Variants in RPH3AL observed in about 807,000 individuals in gnomAD.
RPH3AL encodes rabphilin 3A like (without C2 domains).
A neutral mutation model predicts 43.1 loss-of-function variants in RPH3AL; 38 were observed. The observed-to-expected ratio is 0.88, with a 90% CI of 0.68 to 1.15. The LOEUF is 1.15. RPH3AL is among the 50% of genes most tolerant of loss of function. The pLI is 0.00. For synonymous variants in RPH3AL, 189 were observed against 176.3 expected (o/e 1.07, Z -0.57); for missense variants, 462 against 423.2 (o/e 1.09, Z -0.81).
At position 345,665 on chromosome 17, in the gene RPH3AL, GC is replaced by G. The variant is rs1261506716; in HGVS notation, c.-213+7046del. On this transcript the variant is annotated intron_variant, in intron 1 of 9. Transcript: ENST00000331302. ...ACGCACACCCTGCTGGGGCACGCGT[GC>G]TCCCCATCTGCGCGCACACCCTGCT... 1.2e-4 allele frequency among the ~76,000 whole-genome samples: 9 copies of G among 75,498 alleles called. 3 individuals are homozygous for G. The East Asian group carries it at 9.0e-3, about 75-fold the overall frequency. 49.5% of individuals were successfully genotyped at this position (75,498 alleles called of 152,430 possible).
At chr17:317,439 A>C (rs1255966427) in intron 5 of RPH3AL, among the ~76,000 whole-genome samples, 4 of 137,660 alleles carry the variant, frequency 2.9e-5, no homozygotes, top group Non-Finnish European at 1.5e-5. Context: ...ATTGACCTGT[A>C]GTCCATGTGC....
At chr17:350,809 G>A (rs1024455000) in intron 1 of RPH3AL, among the ~76,000 whole-genome samples, 1 of 152,140 alleles carries the variant, frequency 6.6e-6, no homozygotes, top group African/African-American at 2.4e-5. Flanking sequence ...TCTTGGCCTG[G>A]GCTGTCAGCC....
chr17:222,504 A>C (rs73971659), intron 7 of RPH3AL, among the ~76,000 whole-genome samples: 2,378 of 152,346 alleles, frequency 0.016, 64 homozygotes, highest in African/African-American at 0.053. Flanking sequence ...GTGAACATGC[A>C]CTGTGGGAGA....
chr17:266,220 G>GTT (rs1174578152), intron 6 of RPH3AL, among the ~76,000 whole-genome samples: 2 of 152,086 alleles, frequency 1.3e-5, no homozygotes, highest in Non-Finnish European at 2.9e-5. Flanking sequence ...GTGTGTGTGT[G>GTT]TGTGTGTGTG....
chr17:234,804 C>G (rs911503871), intron 7 of RPH3AL, among the ~76,000 whole-genome samples: 1 of 152,150 alleles, frequency 6.6e-6, no homozygotes, highest in Non-Finnish European at 1.5e-5. Context: ...GGGGAGTGGG[C>G]TGGGGGTGAG....
intron 7 of RPH3AL, among the ~76,000 whole-genome samples, chr17:231,815 G>A (rs1016999057): frequency 3.9e-5 from 6 of 152,260 alleles, no homozygotes; most frequent in African/African-American, 1.4e-4. Context: ...TTGTCATTGG[G>A]TCTCGGGCAA....
At chr17:326,542 G>A (rs1263998746) in intron 3 of RPH3AL, among the ~76,000 whole-genome samples, 1 of 152,104 alleles carries the variant, frequency 6.6e-6, no homozygotes, top group Non-Finnish European at 1.5e-5. Context: ...CGGTGGAGAT[G>A]GCCTGACCTA....
intron 6 of RPH3AL, among the ~76,000 whole-genome samples, chr17:270,705 A>AT (rs2042441535): frequency 6.6e-6 from 1 of 150,624 alleles, no homozygotes; most frequent in African/African-American, 2.5e-5. Context: ...AAAAAAAAAA[A>AT]TTTCTCCCAT....
intron 6 of RPH3AL, among the ~76,000 whole-genome samples, chr17:269,262 T>G (rs2151584899): frequency 6.6e-6 from 1 of 152,136 alleles, no homozygotes; most frequent in East Asian, 1.9e-4. Flanking sequence ...TCCTCTTGCC[T>G]CAGCCTCCCA....
At chr17:239,485 C>T (rs544648404) in intron 7 of RPH3AL, among the ~76,000 whole-genome samples, 7 of 152,274 alleles carry the variant, frequency 4.6e-5, no homozygotes, top group South Asian at 2.1e-4. Context: ...CTATTCCACT[C>T]GTCTGTTTAT....
chr17:300,245 G>A (rs28649123), intron 5 of RPH3AL, among the ~76,000 whole-genome samples: 16 of 92,348 alleles, frequency 1.7e-4, no homozygotes, highest in East Asian at 1.3e-3. Context: ...CCCAGCCTAG[G>A]CCTGCAGAAT....
chr17:244,452 A>G (rs71372191), intron 7 of RPH3AL, among the ~76,000 whole-genome samples: 15,392 of 151,506 alleles, frequency 0.1, 1,008 homozygotes, highest in Non-Finnish European at 0.14. Flanking sequence ...GGGGAGAGGG[A>G]GAGAAAGAAC....
chr17:351,102 C>T (rs995777488), intron 1 of RPH3AL, among the ~76,000 whole-genome samples: 2 of 152,160 alleles, frequency 1.3e-5, no homozygotes, highest in African/African-American at 4.8e-5. Context: ...CCACAGAGGG[C>T]CAAGGCTCAG....
chr17:235,485 C>G lies in RPH3AL; in HGVS notation c.613+11626G>C, dbSNP rs1418623474. On this transcript the variant is annotated intron_variant, in intron 7 of 9. Transcript: ENST00000331302. ...AGCTGGGGTCGGCCGAGGCTCTGCA[C>G]TAACAAGACGGATCCAGGGTTCAAA... Among the ~76,000 whole-genome samples the G allele has an allele frequency of 8.2e-3, 728 of 88,594 alleles. 32 individuals carry two copies. Among genetic ancestry groups the G allele is most frequent in the Middle Eastern group, 0.016 (2 of 122 alleles). The allele number at this position is 88,594 out of a possible 152,430, so 58.1% of individuals were successfully genotyped here.
chr17:229,873 A>G (rs990357753), intron 7 of RPH3AL, among the ~76,000 whole-genome samples: 1 of 152,204 alleles, frequency 6.6e-6, no homozygotes, highest in Non-Finnish European at 1.5e-5. Flanking sequence ...CTGTCCGCTT[A>G]GGGAGGGGTC....
At chr17:310,292 G>A (rs1312119630) in intron 5 of RPH3AL, among the ~76,000 whole-genome samples, 4 of 152,146 alleles carry the variant, frequency 2.6e-5, no homozygotes, top group South Asian at 2.1e-4. Flanking sequence ...GCCCAATTAC[G>A]GAGGGGACGC....
Position 213,693 on chromosome 17 carries a change from A to C in RPH3AL, c.*159T>G. 1 of 665,756 alleles carries C rather than the reference A, an allele frequency of 1.5e-6. No individual in the cohort carries two copies. The highest frequency in any genetic ancestry group is 1.7e-5 in the South Asian group (1 of 60,002). 41.2% of individuals were successfully genotyped at this position (665,756 alleles called of 1,614,324 possible). On this transcript the variant is annotated 3_prime_UTR_variant, in exon 10 of 10. Coordinates refer to ENST00000331302, the MANE Select transcript of RPH3AL (RefSeq NM_006987.4). ...GCTCCCCAGGAGAGAAGGGGTGCAGAAAGGCACTGAGCTGGGGAGGCAGAC... is the reference window on the plus strand; with the variant it reads ...GCTCCCCAGGAGAGAAGGGGTGCAGCAAGGCACTGAGCTGGGGAGGCAGAC...
rs142925286 is a variant in RPH3AL at position 293,278 on chromosome 17, C to T, written c.352-11424G>A. On this transcript the variant is annotated intron_variant, in intron 5 of 9. Coordinates refer to ENST00000331302, the MANE Select transcript of RPH3AL (RefSeq NM_006987.4). ...CCTGCCACTCATGCAGTTACCACTG[C>T]GTCCCGAGTGGAGAGGAGGGTTAAA... Among the ~76,000 whole-genome samples the T allele has an allele frequency of 1.7e-3, 264 of 152,344 alleles. 2 individuals are homozygous for T. The highest frequency in any genetic ancestry group is 5.9e-3 in the African/African-American group (246 of 41,578).
chr17:243,544 C>A (rs2041643631), intron 7 of RPH3AL, among the ~76,000 whole-genome samples: 2 of 144,742 alleles, frequency 1.4e-5, no homozygotes, highest in Admixed American at 1.4e-4. Flanking sequence ...CTATTGATTA[C>A]CTTCCTCTAC....
Sources: gnomAD v4.1 joint callset for allele counts (sites outside exome capture counted in the v4.1 genomes callset) on GRCh38, gnomAD v4.1.1 for gene constraint, MANE v1.5 for transcripts, NCBI Gene and HGNC (gene_info 2026-07-23, HGNC 2026-07-21) for gene names.